RSU1: variants seen among roughly 807,000 people sequenced by gnomAD.
The protein encoded by RSU1 is Ras suppressor protein 1.
RSU1 carries 26 observed loss-of-function variants against 31.1 expected under a neutral mutation model. The observed-to-expected ratio is 0.84, with a 90% CI of 0.61 to 1.16. RSU1 has a LOEUF of 1.16. RSU1 is among the 50% of genes most tolerant of loss of function. The probability of loss-of-function intolerance (pLI) is 0.00; values close to 1 mark genes in which losing one functional copy is unlikely to be tolerated. For synonymous variants in RSU1, 164 were observed against 136.3 expected, an observed-to-expected ratio of 1.20 and a Z score of -1.41; for missense variants, 320 against 339.1, an observed-to-expected ratio of 0.94 and a Z score of 0.44.
At position 16,593,336 on chromosome 10, in the gene RSU1, G is replaced by A; in HGVS notation, c.*58C>T. 6.2e-7 allele frequency: 1 copy of A among 1,612,456 alleles called. No homozygotes were observed. Among genetic ancestry groups the A allele is most frequent in the Admixed American group, 1.7e-5 (1 of 59,806 alleles). On this transcript the variant is annotated 3_prime_UTR_variant, in exon 9 of 9. Transcript: ENST00000345264. ...GGTTTATTTGAGAGACAGGGCAAGA[G>A]AGAATGAAGTGTTGGAGAGAGAAGG...
intron 7 of RSU1, chr10:16,727,243 A>G (rs45619140): frequency 0.069 from 29,396 of 426,116 alleles, 3,369 homozygotes; most frequent in African/African-American, 0.35. Flanking sequence ...ATCTTTTGTT[A>G]TAATTTCACA....
At chr10:16,757,831 G>A (rs960767734) in intron 4 of RSU1, among the ~76,000 whole-genome samples, 2 of 152,214 alleles carry the variant, frequency 1.3e-5, no homozygotes, top group African/African-American at 2.4e-5. Context: ...GTCTTTAAAC[G>A]CTGCTTTCGG....
chr10:16,675,814 T>A (rs1482407910), intron 8 of RSU1, among the ~76,000 whole-genome samples: 3 of 152,258 alleles, frequency 2.0e-5, no homozygotes, highest in Non-Finnish European at 4.4e-5. Context: ...TCACCCTGCC[T>A]CTGCTTCCAT....
intron 8 of RSU1, among the ~76,000 whole-genome samples, chr10:16,682,535 TACACACACACACAC>T (rs68128821): frequency 7.6e-5 from 2 of 26,480 alleles, no homozygotes; most frequent in African/African-American, 1.5e-4. Flanking sequence ...AAATCATTCA[TACACACACACACAC>T]ACACACACAC....
At chr10:16,735,109 C>G (rs958386879) in intron 7 of RSU1, among the ~76,000 whole-genome samples, 7 of 152,348 alleles carry the variant, frequency 4.6e-5, no homozygotes, top group Admixed American at 1.3e-4. Context: ...TTAAGTCACC[C>G]AGTCTTTGGC....
At chr10:16,778,018 CTTTT>C (rs10685188) in intron 3 of RSU1, among the ~76,000 whole-genome samples, 5 of 117,654 alleles carry the variant, frequency 4.2e-5, no homozygotes, top group African/African-American at 1.8e-4. Context: ...GGTCATATAC[CTTTT>C]TTTTTTTTTT....
At chr10:16,773,826 T>C (rs1837473632) in intron 3 of RSU1, among the ~76,000 whole-genome samples, 1 of 152,024 alleles carries the variant, frequency 6.6e-6, no homozygotes, top group Non-Finnish European at 1.5e-5. Flanking sequence ...TGAGCATTCA[T>C]CTCAACTTTC....
chr10:16,688,201 T>G (rs1439049684), intron 8 of RSU1, among the ~76,000 whole-genome samples: 1 of 152,188 alleles, frequency 6.6e-6, no homozygotes, highest in Non-Finnish European at 1.5e-5. Flanking sequence ...TCTGATACTT[T>G]TTAGCAATAC....
At chr10:16,670,096 G>A (rs1056466464) in intron 8 of RSU1, among the ~76,000 whole-genome samples, 21 of 152,142 alleles carry the variant, frequency 1.4e-4, no homozygotes, top group Non-Finnish European at 2.2e-4. Flanking sequence ...CCCATGTAGT[G>A]CAAATCAATT....
At chr10:16,655,724 T>A (rs1834765183) in intron 8 of RSU1, among the ~76,000 whole-genome samples, 1 of 152,232 alleles carries the variant, frequency 6.6e-6, no homozygotes, top group Non-Finnish European at 1.5e-5. Flanking sequence ...GGTGCCATTT[T>A]TCCAACAGTA....
intron 2 of RSU1, among the ~76,000 whole-genome samples, chr10:16,806,135 T>C (rs1215210600): frequency 6.6e-6 from 1 of 152,218 alleles, no homozygotes; most frequent in Non-Finnish European, 1.5e-5. Flanking sequence ...TGTGTAAGTA[T>C]TTTGGGAAGA....
intron 2 of RSU1, among the ~76,000 whole-genome samples, chr10:16,794,600 C>T (rs1193016322): frequency 6.6e-6 from 1 of 152,214 alleles, no homozygotes; most frequent in Admixed American, 6.5e-5. Context: ...TTAAGCTCCT[C>T]AATTTACAGA....
intron 2 of RSU1, among the ~76,000 whole-genome samples, chr10:16,792,719 T>C (rs1454550636): frequency 6.6e-6 from 1 of 152,248 alleles, no homozygotes; most frequent in Non-Finnish European, 1.5e-5. Flanking sequence ...GCCACGTTAA[T>C]GCAAATCATC....
chr10:16,790,991 G>A (rs1309820048), intron 2 of RSU1, among the ~76,000 whole-genome samples: 1 of 152,146 alleles, frequency 6.6e-6, no homozygotes, highest in East Asian at 1.9e-4. Flanking sequence ...ATAGCAGTGT[G>A]AGAACATACT....
intron 5 of RSU1, among the ~76,000 whole-genome samples, chr10:16,754,053 T>G (rs1837033529): frequency 6.6e-6 from 1 of 152,130 alleles, no homozygotes; most frequent in Admixed American, 6.5e-5. Context: ...ATAATAAAAA[T>G]AGTTGCTCCA....
intron 8 of RSU1, among the ~76,000 whole-genome samples, chr10:16,675,781 T>C (rs907702163): frequency 1.3e-5 from 2 of 152,216 alleles, no homozygotes; most frequent in African/African-American, 4.8e-5. Context: ...GCTTTGTCAC[T>C]CAAATAGCTG....
intron 2 of RSU1, among the ~76,000 whole-genome samples, chr10:16,810,346 GAC>G (rs1411088664): frequency 6.6e-6 from 1 of 152,096 alleles, no homozygotes; most frequent in African/African-American, 2.4e-5. Flanking sequence ...GTTACTGCAG[GAC>G]ACAGAGTATT....
At chr10:16,707,409 T>A (rs531425308) in intron 7 of RSU1, among the ~76,000 whole-genome samples, 1 of 152,174 alleles carries the variant, frequency 6.6e-6, no homozygotes, top group Non-Finnish European at 1.5e-5. Context: ...TTTTTAACAA[T>A]AGCCATGCTA....
intron 8 of RSU1, among the ~76,000 whole-genome samples, chr10:16,691,473 C>T (rs927280093): frequency 1.4e-4 from 21 of 149,908 alleles, no homozygotes; most frequent in Non-Finnish European, 2.5e-4. Flanking sequence ...AAAGGGGTGA[C>T]GACAGCTGCT....
Sources: allele counts gnomAD v4.1 joint callset (sites outside exome capture counted in the v4.1 genomes callset), GRCh38; gene constraint gnomAD v4.1.1; transcripts MANE v1.5; gene names NCBI Gene and HGNC (gene_info 2026-07-23, HGNC 2026-07-21).